Variants in RIN2 observed in about 807,000 individuals in gnomAD.
RIN2 encodes RAB5 interacting protein 2.
RIN2 carries 36 observed loss-of-function variants against 78.0 expected under a neutral mutation model. The observed-to-expected ratio is 0.46, with a 90% CI of 0.35 to 0.61. RIN2 has a LOEUF of 0.61. Among genes scored for constraint, RIN2 ranks in the 20% least tolerant of loss-of-function variants. The pLI, the probability that RIN2 is intolerant of heterozygous loss-of-function variation, is 0.00. For synonymous variants in RIN2, 466 were observed against 466.8 expected (o/e 1.00, Z 0.02); for missense variants, 1,087 against 1,159.7 (o/e 0.94, Z 0.91).
chr20:19,934,700 G>T, intron 3 of RIN2: 1 of 750,862 alleles, frequency 1.3e-6, no homozygotes, highest in Non-Finnish European at 1.6e-6. Flanking sequence ...CTTCAAAGGG[G>T]GTTCCTTTGG....
At chr20:19,778,766 G>T (rs1331837496) in intron 1 of RIN2, among the ~76,000 whole-genome samples, 2 of 152,134 alleles carry the variant, frequency 1.3e-5, no homozygotes, top group Non-Finnish European at 2.9e-5. Flanking sequence ...TGAAGTTAGG[G>T]AACTTCTGGG....
At chr20:19,765,282 A>C (rs974936974) in intron 1 of RIN2, among the ~76,000 whole-genome samples, 77 of 152,304 alleles carry the variant, frequency 5.1e-4, no homozygotes, top group African/African-American at 1.8e-3. Context: ...AAGACCCGAA[A>C]GATAGTTTGG....
intron 9 of RIN2, among the ~76,000 whole-genome samples, chr20:19,983,174 G>T (rs966092055): frequency 6.6e-5 from 10 of 152,208 alleles, no homozygotes; most frequent in African/African-American, 2.4e-4. Flanking sequence ...TTCACTCAAT[G>T]TTAGTTCTGA....
At chr20:19,790,582 A>G (rs1294592671) in intron 1 of RIN2, among the ~76,000 whole-genome samples, 1 of 152,142 alleles carries the variant, frequency 6.6e-6, no homozygotes, top group Non-Finnish European at 1.5e-5. Flanking sequence ...ACATGAGTCC[A>G]GGAGGAGTTC....
intron 2 of RIN2, chr20:19,823,464 T>C (rs2035989806): frequency 1.3e-6 from 1 of 790,420 alleles, no homozygotes; most frequent in African/African-American, 1.7e-5. Flanking sequence ...CTGGGCATTC[T>C]ACAGCACCAC....
chr20:19,984,029 C>A (rs1220553552), intron 9 of RIN2, among the ~76,000 whole-genome samples: 2 of 141,344 alleles, frequency 1.4e-5, no homozygotes, highest in Admixed American at 7.2e-5. Flanking sequence ...TCCCTCCCCC[C>A]TCCTCCCACC....
At chr20:19,863,618 C>A (rs1326264092) in intron 2 of RIN2, among the ~76,000 whole-genome samples, 1 of 152,316 alleles carries the variant, frequency 6.6e-6, no homozygotes, top group Middle Eastern at 3.4e-3. Flanking sequence ...AATCATCCTC[C>A]TCTTTCCTGC....
At chr20:19,765,479 G>C (rs764175090) in intron 1 of RIN2, among the ~76,000 whole-genome samples, 2 of 152,118 alleles carry the variant, frequency 1.3e-5, no homozygotes, top group African/African-American at 2.4e-5. Flanking sequence ...TGGCTCAAAG[G>C]TTCATTTGCA....
chr20:19,906,492 A>G (rs907412931), intron 3 of RIN2, among the ~76,000 whole-genome samples: 6 of 152,154 alleles, frequency 3.9e-5, no homozygotes, highest in Non-Finnish European at 8.8e-5. Flanking sequence ...CAGAGGTGTT[A>G]ACCTTGGATG....
At chr20:19,877,469 G>A (rs2037892148) in intron 2 of RIN2, among the ~76,000 whole-genome samples, 1 of 152,178 alleles carries the variant, frequency 6.6e-6, no homozygotes, top group Non-Finnish European at 1.5e-5. Context: ...ATAGTGCAGG[G>A]TTATAGTGTT....
At chr20:19,888,793 T>G (rs531206433) in intron 2 of RIN2, among the ~76,000 whole-genome samples, 1 of 152,352 alleles carries the variant, frequency 6.6e-6, no homozygotes, top group Admixed American at 6.5e-5. Flanking sequence ...GAGGTGTGTG[T>G]ATGTTTAACT....
chr20:19,862,840 C>T (rs1014726625), intron 2 of RIN2, among the ~76,000 whole-genome samples: 2 of 152,164 alleles, frequency 1.3e-5, no homozygotes. Context: ...TGAATCCTTG[C>T]CAAATGCACG....
At chr20:19,792,312 A>G (rs1252885920) in intron 1 of RIN2, among the ~76,000 whole-genome samples, 1 of 152,228 alleles carries the variant, frequency 6.6e-6, no homozygotes, top group East Asian at 1.9e-4. Flanking sequence ...TGGCGAAAGG[A>G]AGATATTCAA....
intron 3 of RIN2, among the ~76,000 whole-genome samples, chr20:19,891,226 G>A (rs1177971838): frequency 6.6e-6 from 1 of 152,180 alleles, no homozygotes; most frequent in Admixed American, 6.5e-5. Context: ...GATCAAACCT[G>A]TATAACCTCC....
chr20:19,981,148 G>A (rs199593), intron 9 of RIN2, among the ~76,000 whole-genome samples: 51,945 of 152,026 alleles, frequency 0.34, 9,875 homozygotes, highest in Non-Finnish European at 0.44. Context: ...AGAAACCAAA[G>A]GCGTAGCAAG....
chr20:19,844,587 G>T (rs2036676591), intron 2 of RIN2, among the ~76,000 whole-genome samples: 4 of 139,664 alleles, frequency 2.9e-5, no homozygotes, highest in African/African-American at 1.1e-4. Flanking sequence ...TGCTGCTGCT[G>T]CTGCTGCTTC....
At chr20:19,818,344 A>C (rs2035827899) in intron 2 of RIN2, among the ~76,000 whole-genome samples, 2 of 152,254 alleles carry the variant, frequency 1.3e-5, no homozygotes, top group Non-Finnish European at 2.9e-5. Context: ...GCAAAAATGT[A>C]AACAATTGTT....
Position 19,971,134 on chromosome 20 carries a change from G to A in RIN2, c.628+205G>A, listed in dbSNP as rs181156187. Among the ~76,000 whole-genome samples, 451 of 152,196 alleles carry A rather than the reference G, an allele frequency of 3.0e-3. 5 individuals carry two copies. The highest frequency in any genetic ancestry group is 0.024 in the Admixed American group (367 of 15,296). The stretch of plus-strand genomic sequence containing the variant: ...TTTCTGAGGCATCTTCCTGGGGAGA[G>A]GCAGCACTTGACAGAAAGAGAAATC... On this transcript the variant is annotated intron_variant, in intron 8 of 12. Coordinates refer to ENST00000255006, the MANE Select transcript of RIN2 (RefSeq NM_018993.4).
At chr20:19,924,739 TTTTTTTTTTTTTTTTTTG>T (rs1568616941) in intron 3 of RIN2, among the ~76,000 whole-genome samples, 2 of 5,012 alleles carry the variant, frequency 4.0e-4, no homozygotes, top group African/African-American at 2.5e-3. Flanking sequence ...TTTTTTTTTT[TTTTTTTTTTTTTTTTTTG>T]AGACGGAGTT....
Sources: allele counts gnomAD v4.1 joint callset (sites outside exome capture counted in the v4.1 genomes callset), GRCh38; gene constraint gnomAD v4.1.1; transcripts MANE v1.5; gene names NCBI Gene and HGNC (gene_info 2026-07-23, HGNC 2026-07-21).